Variants in ZNF337 observed in about 807,000 individuals in gnomAD.
ZNF337 encodes the protein zinc finger protein 337.
Under a neutral mutation model 12.1 loss-of-function variants are expected in ZNF337, and 8 were observed. That is an observed-to-expected ratio of 0.66 (90% CI 0.39 to 1.19). The LOEUF is 1.19. ZNF337 is among the 50% of genes most tolerant of loss of function. The pLI is 0.01. For missense variants in ZNF337, 882 were observed against 896.6 expected (o/e 0.98, Z 0.21); for synonymous variants, 336 against 320.0 (o/e 1.05, Z -0.53).
chr20:25,691,595 T>C (rs2065882772), intron 1 of ZNF337, among the ~76,000 whole-genome samples: 2 of 152,162 alleles, frequency 1.3e-5, no homozygotes. Flanking sequence ...CACCATAGAC[T>C]GAGAACTGGA....
Position 25,676,672 on chromosome 20 carries a change from T to G in ZNF337, c.616A>C (p.Lys206Gln). Residue 206 changes from lysine (K) to glutamine (Q), a missense_variant, in exon 5 of 5, where the codon AAA becomes CAA. Coordinates refer to ENST00000252979, the MANE Select transcript of ZNF337 (RefSeq NM_015655.4). ...IIHKKAHSRQKLFTCRECHQG... is the reference protein window; with the variant it reads ...IIHKKAHSRQQLFTCRECHQG... ...TGACACTCCCTGCATGTAAAAAGTT[T>G]CTGCCTGGAATGTGCTTTTTTGTGT... 1 of 1,614,240 alleles carries G rather than the reference T, an allele frequency of 6.2e-7. No homozygotes were observed. Among genetic ancestry groups the G allele is most frequent in the South Asian group, 1.1e-5 (1 of 91,090 alleles).
chr20:25,682,503 T>G (rs2065779218), intron 4 of ZNF337, among the ~76,000 whole-genome samples: 1 of 152,084 alleles, frequency 6.6e-6, no homozygotes. Context: ...AAAAAAACTA[T>G]AAAGCCACAG....
At chr20:25,681,053 T>A (rs1195981400) in intron 4 of ZNF337, 3 of 152,154 alleles carry the variant, frequency 2.0e-5, no homozygotes, top group Admixed American at 2.0e-4. Flanking sequence ...GTGATGGTAT[T>A]TGGAGGTGGA....
intron 1 of ZNF337, among the ~76,000 whole-genome samples, chr20:25,696,433 G>A (rs2065930066): frequency 6.6e-6 from 1 of 152,162 alleles, no homozygotes. Flanking sequence ...CCCACCCGAG[G>A]AGCGGCGACC....
chr20:25,687,858 C>T (rs1029435511), intron 1 of ZNF337, among the ~76,000 whole-genome samples: 2 of 152,220 alleles, frequency 1.3e-5, no homozygotes, highest in African/African-American at 4.8e-5. Flanking sequence ...CCTCTTTCCC[C>T]TCCAGCCTAC....
intron 1 of ZNF337, among the ~76,000 whole-genome samples, chr20:25,687,958 TAAAC>T (rs1347744821): frequency 1.3e-5 from 2 of 152,236 alleles, no homozygotes; most frequent in Non-Finnish European, 2.9e-5. Context: ...TGTGGCAAAA[TAAAC>T]ATCTAAATTG....
At chr20:25,696,087 T>TCCCCCCCCCCCC (rs149644721) in intron 1 of ZNF337, among the ~76,000 whole-genome samples, 15 of 52,104 alleles carry the variant, frequency 2.9e-4, no homozygotes, top group African/African-American at 4.4e-4. Flanking sequence ...CCCACGCAGA[T>TCCCCCCCCCCCC]CCCCCCCCCC....
In ZNF337 at chr20:25,675,532, T is replaced by C. The variant is rs759409938; in HGVS notation, c.1756A>G (p.Thr586Ala). 1.2e-5 allele frequency: 20 copies of C among 1,613,460 alleles called. No individual in the cohort carries two copies. Among genetic ancestry groups the C allele is most frequent in the South Asian group, 7.7e-5 (7 of 91,050 alleles). The change falls in exon 5 of 5, where the codon ACT becomes GCT. Residue 586 changes from threonine (T) to alanine (A), a missense_variant. Coordinates refer to ENST00000252979, the MANE Select transcript of ZNF337 (RefSeq NM_015655.4). The part of the protein sequence containing the change: ...DCGRGFILKS[T>A]LLFHQKTHSG... ...TGTGTCTTCTGGTGGAAGAGGAGAG[T>C]TGATTTTAGGATGAAGCCTCGCCCG...
In ZNF337 at chr20:25,675,749, C is replaced by G; in HGVS notation, c.1539G>C (p.Glu513Asp). ...YNKHLRAHLG[E>D]KRFFCRDCGR... ...CACAATCCCTGCAGAAAAAACGTTT[C>G]TCACCCAAGTGTGCCCTCAGGTGCT... Residue 513 changes from glutamate to aspartate, a missense_variant, in exon 5 of 5, where the codon GAG (glutamate) becomes GAC (aspartate). Transcript: ENST00000252979. 1 of 1,614,026 alleles carries G rather than the reference C, an allele frequency of 6.2e-7. No individual in the cohort carries two copies. The highest frequency in any genetic ancestry group is 8.5e-7 in the Non-Finnish European group (1 of 1,180,010).
At chr20:25,682,168 C>CA (rs909369707) in intron 4 of ZNF337, among the ~76,000 whole-genome samples, 1 of 150,928 alleles carries the variant, frequency 6.6e-6, no homozygotes, top group East Asian at 1.9e-4. Flanking sequence ...TTACAGTCAC[C>CA]AAAAAAAATC....
chr20:25,676,224 C>G lies in ZNF337; in HGVS notation c.1064G>C (p.Arg355Pro), dbSNP rs200552425. The change falls in exon 5 of 5, where the codon CGA becomes CCA. Residue 355 changes from arginine to proline, a missense_variant. Coordinates refer to ENST00000252979, the MANE Select transcript of ZNF337 (RefSeq NM_015655.4). The part of the protein sequence containing the change: ...EKPYRCQECG[R>P]GFSNKSHLIT... ...AAGGTGTGACTTATTGCTAAAGCCTCGGCCACACTCCTGGCATCTGTAAGG... is the reference window on the plus strand; with the variant it reads ...AAGGTGTGACTTATTGCTAAAGCCTGGGCCACACTCCTGGCATCTGTAAGG... 5.1e-5 allele frequency: 82 copies of G among 1,613,814 alleles called. No individual in the cohort carries two copies. The highest frequency in any genetic ancestry group is 1.4e-5 in the Non-Finnish European group (17 of 1,180,006).
rs2065701667 is a variant in ZNF337, at chr20:25,676,779, T to G, written c.509A>C (p.Lys170Thr). Residue 170 changes from lysine to threonine, a missense_variant, in exon 5 of 5, where the codon AAA becomes ACA. By Grantham distance (78) the Lys-to-Thr change is moderately conservative. Coordinates refer to ENST00000252979, the MANE Select transcript of ZNF337 (RefSeq NM_015655.4). The stretch of plus-strand genomic sequence containing the variant: ...TCCCCATCTTGAATTTTCTATTCCT[T>G]TCAATACTTTGTCTATTTCTGTAGG... Reference protein sequence around the residue: ...ENPTEIDKVLKGIENSRWGAF... With the variant: ...ENPTEIDKVLTGIENSRWGAF... 2 of 1,614,230 alleles carry G rather than the reference T, an allele frequency of 1.2e-6. No individual in the cohort carries two copies. Among genetic ancestry groups the G allele is most frequent in the Non-Finnish European group, 1.7e-6 (2 of 1,180,034 alleles).
intron 1 of ZNF337, among the ~76,000 whole-genome samples, chr20:25,690,305 G>A (rs970661855): frequency 2.0e-5 from 3 of 152,052 alleles, no homozygotes; most frequent in Non-Finnish European, 4.4e-5. Context: ...AACAAAACAG[G>A]AGACAGTCAT....
chr20:25,696,055 C>T (rs2065922993), intron 1 of ZNF337, among the ~76,000 whole-genome samples: 1 of 151,192 alleles, frequency 6.6e-6, no homozygotes, highest in Admixed American at 6.6e-5. Context: ...CCCACAGCCA[C>T]CTCACCTCCC....
At chr20:25,678,572 C>G (rs1384173376) in intron 4 of ZNF337, among the ~76,000 whole-genome samples, 1 of 152,100 alleles carries the variant, frequency 6.6e-6, no homozygotes, top group East Asian at 1.9e-4. Context: ...GCATAAAGTA[C>G]AAAGTGGGAG....
chr20:25,675,842 G>A lies in ZNF337; in HGVS notation c.1446C>T (p.His482=). 3 of 1,614,160 alleles carry A rather than the reference G, an allele frequency of 1.9e-6. No individual in the cohort carries two copies. The highest frequency in any genetic ancestry group is 2.5e-6 in the Non-Finnish European group (3 of 1,180,028). The stretch of plus-strand genomic sequence containing the variant: ...GACATCCATAAGGCTTCTCCTCTGA[G>A]TGTGTCCTCTGGTGTAAAGTGAAGG... ...KSTFTLHQRT[H]SEEKPYGCRE... Residue 482 remains histidine, a synonymous_variant, in exon 5 of 5, where the codon CAC becomes CAT. Coordinates refer to ENST00000252979, the MANE Select transcript of ZNF337 (RefSeq NM_015655.4).
At position 25,696,811 on chromosome 20, in the gene ZNF337, C is replaced by A. The variant is rs540343942; in HGVS notation, c.-102G>T. On this transcript the variant is annotated 5_prime_UTR_variant, in exon 1 of 5. The change abolishes an upstream ATG in the 5' untranslated region. Coordinates refer to ENST00000252979, the MANE Select transcript of ZNF337 (RefSeq NM_015655.4). Reference sequence around the variant, plus strand: ...GTGAGGTCACCGATGGTGGACCACGCATCTCACGGCTCGCTGACGCCCAGG... The same window carrying A: ...GTGAGGTCACCGATGGTGGACCACGAATCTCACGGCTCGCTGACGCCCAGG... 3 of 985,544 alleles carry A rather than the reference C, an allele frequency of 3.0e-6. No homozygotes were observed. The highest frequency in any genetic ancestry group is 9.4e-5 in the South Asian group (2 of 21,288). The allele number at this position is 985,544 out of a possible 1,614,324, so 61.0% of individuals were successfully genotyped here. A position where few individuals can be genotyped will look rare whatever the true frequency, so the allele number is the denominator to read the frequency against.
At chr20:25,683,480 A>G (rs185439540) in intron 4 of ZNF337, among the ~76,000 whole-genome samples, 4 of 151,542 alleles carry the variant, frequency 2.6e-5, no homozygotes, top group Non-Finnish European at 4.4e-5. Flanking sequence ...CAGAGGTTTT[A>G]AGAAGCTAAA....
At chr20:25,684,813 A>T (rs1215865700) in intron 4 of ZNF337, among the ~76,000 whole-genome samples, 1 of 152,236 alleles carries the variant, frequency 6.6e-6, no homozygotes, top group African/African-American at 2.4e-5. Flanking sequence ...GGATGAGTTC[A>T]TGTCCTTTGC....
Sources: allele counts gnomAD v4.1 joint callset (sites outside exome capture counted in the v4.1 genomes callset), GRCh38; gene constraint gnomAD v4.1.1; transcripts MANE v1.5; gene names NCBI Gene and HGNC (gene_info 2026-07-23, HGNC 2026-07-21).